The following KNL1 variants were observed in gnomAD, a reference collection of about 807,000 sequenced individuals.
The protein encoded by KNL1 is kinetochore scaffold 1.
In KNL1, 66 loss-of-function variants were observed where a neutral mutation model predicts 201.3. The observed-to-expected ratio is 0.33, with a 90% CI of 0.27 to 0.40. The LOEUF (loss-of-function observed/expected upper bound fraction) is 0.40, where lower values mean the gene tolerates loss of function less well. KNL1 is among the 10% of genes least tolerant of loss of function. KNL1 has a pLI of 1.00. For synonymous variants in KNL1, 895 were observed against 899.2 expected (o/e 1.00, Z 0.08); for missense variants, 2,815 against 2,690.5 (o/e 1.05, Z -1.02).
At chr15:40,609,239 C>A (rs1291192787) in intron 5 of KNL1, among the ~76,000 whole-genome samples, 3 of 135,052 alleles carry the variant, frequency 2.2e-5, no homozygotes, top group African/African-American at 8.7e-5. Flanking sequence ...GAGATCCCAT[C>A]TCTACAAAAA....
At position 40,625,066 on chromosome 15, in the gene KNL1, A is replaced by C. The variant is rs1892696594; in HGVS notation, c.4802A>C (p.Gln1601Pro). The change falls in exon 10 of 26, where the codon CAA (glutamine) becomes CCA (proline). Residue 1601 changes from glutamine (Q) to proline (P), a missense_variant. By Grantham distance (76) the Gln-to-Pro change is moderately conservative. Coordinates refer to ENST00000399668, the MANE Select transcript of KNL1 (RefSeq NM_144508.5). ...NKAHNDMHIV[Q>P]ATEIHNINII... Reference sequence around the variant, plus strand: ...GCACACAATGATATGCATATAGTGCAAGCTACAGAAATACATAATATTAAC... The same window carrying C: ...GCACACAATGATATGCATATAGTGCCAGCTACAGAAATACATAATATTAAC... 1 of 1,613,748 alleles carries C rather than the reference A, an allele frequency of 6.2e-7. No individual in the cohort carries two copies. The highest frequency in any genetic ancestry group is 8.5e-7 in the Non-Finnish European group (1 of 1,179,794).
chr15:40,658,576 A>AAAG (rs1555423554), intron 24 of KNL1, among the ~76,000 whole-genome samples: 38 of 147,696 alleles, frequency 2.6e-4, no homozygotes, highest in African/African-American at 6.9e-4. Flanking sequence ...AAAAAAAAAA[A>AAAG]AAAGAAAGAA....
At chr15:40,643,116 T>C (rs764800950) in intron 14 of KNL1, 1 of 152,262 alleles carries the variant, frequency 6.6e-6, no homozygotes, top group Non-Finnish European at 1.5e-5. Context: ...ATCATAACTT[T>C]GCTGCTTTTA....
intron 21 of KNL1, among the ~76,000 whole-genome samples, chr15:40,652,424 A>C (rs967774482): frequency 6.6e-6 from 1 of 151,186 alleles, no homozygotes; most frequent in Non-Finnish European, 1.5e-5. Context: ...CGTGATAGAG[A>C]ATAGAGAATT....
Position 40,647,020 on chromosome 15 carries a change from G to A in KNL1, c.6040G>A (p.Glu2014Lys), listed in dbSNP as rs1450602878. ...EREKLQIKID[E>K]MDKILKKIDN... ...GGAGAAACTTCAAATAAAGATAGAT[G>A]AGATGGATAAAATACTTAAGAAGAT... The change falls in exon 17 of 26, where the codon GAG becomes AAG. Residue 2014 changes from glutamate to lysine, a missense_variant. Physicochemically the swap from Glu to Lys is moderately conservative, Grantham distance 56 (BLOSUM62 1). Coordinates refer to ENST00000399668, the MANE Select transcript of KNL1 (RefSeq NM_144508.5). The A allele has an allele frequency of 1.1e-5, 17 of 1,519,494 alleles. No individual in the cohort carries two copies. The Admixed American group carries it at 2.5e-4, about 22-fold the overall frequency. The allele number at this position is 1,519,494 out of a possible 1,614,324, so 94.1% of individuals were successfully genotyped here. A position where few individuals can be genotyped will look rare whatever the true frequency, so the allele number is the denominator to read the frequency against.
At chr15:40,599,047 C>T (rs1891702000) in intron 1 of KNL1, among the ~76,000 whole-genome samples, 1 of 151,788 alleles carries the variant, frequency 6.6e-6, no homozygotes, top group African/African-American at 2.4e-5. Flanking sequence ...TCAAGCAGTC[C>T]TCCCACCTTG....
In KNL1 at chr15:40,625,207, G is replaced by A. The variant is rs1179160494; in HGVS notation, c.4943G>A (p.Cys1648Tyr). Residue 1648 changes from cysteine (C) to tyrosine (Y), a missense_variant, in exon 10 of 26, where the codon TGT (cysteine) becomes TAT (tyrosine). Around this residue, in one of 3 missense-constraint regions of KNL1, gnomAD observed 2,464 missense variants for 2,291.7 expected, o/e 1.08. Coordinates refer to ENST00000399668, the MANE Select transcript of KNL1 (RefSeq NM_144508.5). ...GTTTTTAAAGATAAAGTAAGGAGAT[G>A]TTCTTTGGGAATCTTTTTGCCTAGA... Reference protein sequence around the residue: ...KTVFKDKVRRCSLGIFLPRLP... With the variant: ...KTVFKDKVRRYSLGIFLPRLP... 6.2e-7 allele frequency: 1 copy of A among 1,614,010 alleles called. No homozygotes were observed. The highest frequency in any genetic ancestry group is 1.7e-5 in the Admixed American group (1 of 59,986).
intron 2 of KNL1, among the ~76,000 whole-genome samples, chr15:40,603,610 A>C (rs956780760): frequency 6.6e-6 from 1 of 152,322 alleles, no homozygotes; most frequent in East Asian, 1.9e-4. Context: ...TCTACAAAAA[A>C]TAAATTTTTT....
chr15:40,646,949 G>C (rs758457417), intron 16 of KNL1, 38 bp from the exon 17 acceptor site: 1 of 833,574 alleles, frequency 1.2e-6, no homozygotes, highest in Non-Finnish European at 2.1e-6. Flanking sequence ...ATTTTCTTTA[G>C]AGGTTTAACT....
chr15:40,625,337 C>G lies in KNL1; in HGVS notation c.5073C>G (p.Ser1691Arg). Residue 1691 changes from serine to arginine, a missense_variant, in exon 10 of 26, where the codon AGC becomes AGG. Physicochemically the swap from Ser to Arg is moderately radical, Grantham distance 110. Around this residue, in one of 3 missense-constraint regions of KNL1, gnomAD observed 2,464 missense variants for 2,291.7 expected, o/e 1.08. Coordinates refer to ENST00000399668, the MANE Select transcript of KNL1 (RefSeq NM_144508.5). ...INHLETQPVS[S>R]KDSGIGSVAG... is the part of the protein sequence containing the mutation. Reference sequence around the variant, plus strand: ...ACTTAGAAACTCAGCCGGTCTCTAGCAAAGATTCAGGCATTGGATCTGTTG... The same window carrying G: ...ACTTAGAAACTCAGCCGGTCTCTAGGAAAGATTCAGGCATTGGATCTGTTG... The G allele has an allele frequency of 6.2e-7, 1 of 1,614,076 alleles. No homozygotes were observed. The highest frequency in any genetic ancestry group is 1.1e-5 in the South Asian group (1 of 91,078).
intron 13 of KNL1, among the ~76,000 whole-genome samples, chr15:40,633,298 G>A (rs891255801): frequency 5.2e-5 from 6 of 114,476 alleles, no homozygotes; most frequent in Admixed American, 1.1e-4. Context: ...GCGACAGAGC[G>A]AAACTCTGTC....
At chr15:40,612,737 T>G (rs1892211570) in intron 7 of KNL1, among the ~76,000 whole-genome samples, 1 of 152,054 alleles carries the variant, frequency 6.6e-6, no homozygotes, top group African/African-American at 2.4e-5. Context: ...CAGAATTGTC[T>G]TGGTCTCTTG....
At chr15:40,651,785 G>A (rs568571080) in intron 20 of KNL1, among the ~76,000 whole-genome samples, 23 of 152,256 alleles carry the variant, frequency 1.5e-4, no homozygotes, top group Middle Eastern at 3.4e-3. Flanking sequence ...TTTTCATTGC[G>A]TAGACTTGGT....
At chr15:40,595,374 G>A (rs1891592270) in intron 1 of KNL1, among the ~76,000 whole-genome samples, 1 of 152,220 alleles carries the variant, frequency 6.6e-6, no homozygotes, top group African/African-American at 2.4e-5. Context: ...TTTTGGTGAT[G>A]GATTTGTGGA....
At chr15:40,650,125 GAAAA>G (rs77867576) in intron 17 of KNL1, 172 bp from the exon 18 acceptor site, 31 of 383,596 alleles carry the variant, frequency 8.1e-5, no homozygotes, top group Non-Finnish European at 6.8e-5. Context: ...CTCTTTCACA[GAAAA>G]AAAAAAAAAA....
chr15:40,657,150 A>G lies in KNL1; in HGVS notation c.6593A>G (p.Lys2198Arg). 6.4e-7 allele frequency: 1 copy of G among 1,563,434 alleles called. No homozygotes were observed. Among genetic ancestry groups the G allele is most frequent in the East Asian group, 2.2e-5 (1 of 44,638 alleles). Residue 2198 changes from lysine to arginine, a missense_variant and splice_region_variant, in exon 23 of 26, where the codon AAG (lysine) becomes AGG (arginine). By Grantham distance (26) the Lys-to-Arg change is conservative (BLOSUM62 2). Transcript: ENST00000399668. ...TGTACAACCCAGCATCAGTTACCCA[A>G]GGTAAAGCCCGATTGAAGTATTTAA... ...KTCTTQHQLP[K>R]MLEEFSLVVH...
chr15:40,650,209 G>A (rs1893512221), intron 17 of KNL1, 92 bp from the exon 18 acceptor site: 1 of 793,376 alleles, frequency 1.3e-6, no homozygotes, highest in African/African-American at 1.8e-5. Flanking sequence ...TTAATAAATT[G>A]TTTTTGATTG....
At chr15:40,627,244 G>A (rs902368645) in intron 10 of KNL1, among the ~76,000 whole-genome samples, 1 of 152,226 alleles carries the variant, frequency 6.6e-6, no homozygotes, top group Non-Finnish European at 1.5e-5. Context: ...GCCAGGCGCG[G>A]TAGCTCATGC....
chr15:40,635,758 C>T (rs1424149582), intron 13 of KNL1, among the ~76,000 whole-genome samples: 2 of 152,218 alleles, frequency 1.3e-5, no homozygotes, highest in Admixed American at 6.5e-5. Context: ...GTTGGCGGCA[C>T]TAGCAGAAGG....
Sources: gnomAD v4.1 joint callset for allele counts (sites outside exome capture counted in the v4.1 genomes callset) on GRCh38, gnomAD v4.1.1 for gene constraint, gnomAD v4.1.1 regional missense constraint, MANE v1.5 for transcripts, NCBI Gene and HGNC (gene_info 2026-07-23, HGNC 2026-07-21) for gene names.